NEURL1: variants seen among roughly 807,000 people sequenced by gnomAD.
NEURL1 encodes the protein neuralized E3 ubiquitin protein ligase 1.
NEURL1 carries 26 observed loss-of-function variants against 41.2 expected under a neutral mutation model. That is an observed-to-expected ratio of 0.63 (90% CI 0.46 to 0.87). The LOEUF (loss-of-function observed/expected upper bound fraction) is 0.87. Among genes scored for constraint, NEURL1 ranks in the 40% least tolerant of loss-of-function variants. The pLI is 0.00. For missense variants in NEURL1, 761 were observed against 871.1 expected (o/e 0.87, Z 1.59); for synonymous variants, 400 against 402.3 (o/e 0.99, Z 0.07).
intron 1 of NEURL1, among the ~76,000 whole-genome samples, chr10:103,505,573 C>A (rs894117878): frequency 1.3e-5 from 2 of 152,022 alleles, no homozygotes; most frequent in Non-Finnish European, 2.9e-5. Flanking sequence ...CTATGTTGCC[C>A]AGGCTGGTCT....
rs530517862 is a variant in NEURL1, at chr10:103,545,595, C to G, written c.86-25277C>G. On this transcript the variant is annotated intron_variant, in intron 1 of 5. Coordinates refer to ENST00000369780, the MANE Select transcript of NEURL1 (RefSeq NM_004210.5). This position sits in a 1 kb window ranked among gnomAD's most constrained non-coding sequence, Gnocchi z 4.5. ...TGGCATGGCCGGTGTCCTCTGGGCT[C>G]TAGGTCATGGCCCATAGTGGTAGGC... Among the ~76,000 whole-genome samples the G allele has an allele frequency of 2.6e-5, 4 of 152,280 alleles. No individual in the cohort carries two copies. The highest frequency in any genetic ancestry group is 7.2e-5 in the African/African-American group (3 of 41,548).
At chr10:103,497,213 A>G (rs919590000) in intron 1 of NEURL1, among the ~76,000 whole-genome samples, 1 of 152,188 alleles carries the variant, frequency 6.6e-6, no homozygotes, top group Non-Finnish European at 1.5e-5. Flanking sequence ...TTCTAAATGT[A>G]TCAGCATTGA....
At chr10:103,588,110 C>T (rs1475753641) in intron 4 of NEURL1, among the ~76,000 whole-genome samples, 1 of 151,840 alleles carries the variant, frequency 6.6e-6, no homozygotes, top group Non-Finnish European at 1.5e-5. Flanking sequence ...CGAGACCACC[C>T]TGGTTAACAT....
chr10:103,572,959 G>A (rs1326416467), intron 3 of NEURL1, among the ~76,000 whole-genome samples: 1 of 151,964 alleles, frequency 6.6e-6, no homozygotes, highest in African/African-American at 2.4e-5. Context: ...GCCTCTCCCT[G>A]CAGAGAAAGA....
intron 3 of NEURL1, among the ~76,000 whole-genome samples, chr10:103,572,647 G>A (rs2035575640): frequency 6.6e-6 from 1 of 152,198 alleles, no homozygotes; most frequent in East Asian, 1.9e-4. Context: ...TGGTGGTTAA[G>A]GTAGGACTAG....
In NEURL1 at chr10:103,584,697, T is replaced by G. The variant is rs1353669740; in HGVS notation, c.811T>G (p.Cys271Gly). 2.1e-6 allele frequency: 3 copies of G among 1,438,930 alleles called. No individual in the cohort carries two copies. Among genetic ancestry groups the G allele is most frequent in the African/African-American group, 3.0e-5 (2 of 66,734 alleles). The allele number at this position is 1,438,930 out of a possible 1,614,324, so 89.1% of individuals were successfully genotyped here. A position where few individuals can be genotyped will look rare whatever the true frequency, so the allele number is the denominator to read the frequency against. The change falls in exon 4 of 6, where the codon TGC (cysteine) becomes GGC (glycine). Residue 271 changes from cysteine to glycine, a missense_variant. Around this residue, in one of 5 missense-constraint regions of NEURL1, gnomAD observed 443 missense variants for 408.1 expected, o/e 1.09. Coordinates refer to ENST00000369780, the MANE Select transcript of NEURL1 (RefSeq NM_004210.5). ...DGDEAAPAAG[C>G]PIPQNSLNSQ... Reference sequence around the variant, plus strand: ...CGACGAGGCCGCGCCGGCCGCCGGCTGCCCCATCCCGCAGAACTCACTCAA... The same window carrying G: ...CGACGAGGCCGCGCCGGCCGCCGGCGGCCCCATCCCGCAGAACTCACTCAA...
At chr10:103,588,700 A>G in intron 4 of NEURL1, 1 of 431,896 alleles carries the variant, frequency 2.3e-6, no homozygotes. Context: ...CAATCCCAGC[A>G]CTTTGGGAGC....
At chr10:103,517,730 T>A (rs1048775901) in intron 1 of NEURL1, among the ~76,000 whole-genome samples, 11 of 152,212 alleles carry the variant, frequency 7.2e-5, no homozygotes, top group African/African-American at 2.4e-4. Flanking sequence ...CTGCAGCAGC[T>A]CTTTGAGTGC....
chr10:103,590,210 C>T lies in NEURL1; in HGVS notation c.1563C>T (p.Cys521=), dbSNP rs1477734307. The change falls in exon 6 of 6, where the codon TGC becomes TGT. Residue 521 remains cysteine, a synonymous_variant. Transcript: ENST00000369780. ...GTCTGGGCCAGTGGAGCGATGAGTG[C>T]ACCATTTGCTATGAACACGCGGTGG... is the stretch of plus-strand genomic sequence containing the variant. The part of the protein sequence containing the change: ...TPGLGQWSDE[C]TICYEHAVDT... The T allele has an allele frequency of 1.2e-6, 2 of 1,614,214 alleles. No homozygotes were observed. Among genetic ancestry groups the T allele is most frequent in the Non-Finnish European group, 8.5e-7 (1 of 1,180,044 alleles).
intron 4 of NEURL1, among the ~76,000 whole-genome samples, chr10:103,587,731 C>T (rs576341259): frequency 2.6e-5 from 4 of 152,268 alleles, no homozygotes; most frequent in African/African-American, 7.2e-5. Flanking sequence ...AGATGGCTTA[C>T]AGATGTTGTT....
At chr10:103,533,417 T>C (rs1429115061) in intron 1 of NEURL1, among the ~76,000 whole-genome samples, 1 of 151,854 alleles carries the variant, frequency 6.6e-6, no homozygotes, top group African/African-American at 2.4e-5. Flanking sequence ...TTGCCCAGGC[T>C]GGAGTGGAAT....
chr10:103,590,496 A>C lies in NEURL1; in HGVS notation c.*124A>C. The C allele has an allele frequency of 2.1e-4, 142 of 690,218 alleles. No individual in the cohort carries two copies. The highest frequency in any genetic ancestry group is 3.1e-4 in the East Asian group (11 of 35,224). The allele number at this position is 690,218 out of a possible 1,614,324, so 42.8% of individuals were successfully genotyped here. On this transcript the variant is annotated 3_prime_UTR_variant, in exon 6 of 6. Transcript: ENST00000369780. ...GGAAACTTTTCCTCCTCTATTAAAC[A>C]TGGGAAACTGAAGCCCTTGAAGGTT...
chr10:103,554,721 A>C (rs996209451), intron 1 of NEURL1, among the ~76,000 whole-genome samples: 3 of 152,212 alleles, frequency 2.0e-5, no homozygotes, highest in Non-Finnish European at 4.4e-5. Flanking sequence ...AATACTTGCA[A>C]AGCCCTTGGA....
At chr10:103,530,200 T>C (rs550144825) in intron 1 of NEURL1, among the ~76,000 whole-genome samples, 1 of 152,304 alleles carries the variant, frequency 6.6e-6, no homozygotes, top group African/African-American at 2.4e-5. Context: ...ATTTTATTTC[T>C]ACTCTGGTCT....
chr10:103,572,833 G>C (rs2035579375), intron 3 of NEURL1, among the ~76,000 whole-genome samples: 1 of 152,154 alleles, frequency 6.6e-6, no homozygotes, highest in Non-Finnish European at 1.5e-5. Flanking sequence ...CTGTGAAATG[G>C]GTTGGTGGGA....
chr10:103,585,013 C>G lies in NEURL1; in HGVS notation c.1127C>G (p.Ala376Gly), dbSNP rs767598596. 1.4e-5 allele frequency: 22 copies of G among 1,579,462 alleles called. No individual in the cohort carries two copies. The highest frequency in any genetic ancestry group is 2.3e-5 in the South Asian group (2 of 88,176). ...GCCGACCTGCCTTTCAGCCCTGAGGCCCTGGTGGACCGCAAGGAATTCTGG... is the reference window on the plus strand; with the variant it reads ...GCCGACCTGCCTTTCAGCCCTGAGGGCCTGGTGGACCGCAAGGAATTCTGG... The part of the protein sequence containing the change: ...RPADLPFSPE[A>G]LVDRKEFWAV... Residue 376 changes from alanine (A) to glycine (G), a missense_variant, in exon 4 of 6, where the codon GCC becomes GGC. Transcript: ENST00000369780.
At chr10:103,539,506 C>T (rs2034771579) in intron 1 of NEURL1, among the ~76,000 whole-genome samples, 1 of 152,184 alleles carries the variant, frequency 6.6e-6, no homozygotes, top group Admixed American at 6.5e-5. Flanking sequence ...AGTTTTCTGG[C>T]ATACCAACCT....
rs768126062 is a variant in NEURL1, at chr10:103,590,207, G to A, written c.1560G>A (p.Glu520=). 1.2e-6 allele frequency: 2 copies of A among 1,614,232 alleles called. No homozygotes were observed. The highest frequency in any genetic ancestry group is 1.7e-6 in the Non-Finnish European group (2 of 1,180,050). ...VTPGLGQWSD[E]CTICYEHAVD... ...CAGGTCTGGGCCAGTGGAGCGATGAGTGCACCATTTGCTATGAACACGCGG... is the reference window on the plus strand; with the variant it reads ...CAGGTCTGGGCCAGTGGAGCGATGAATGCACCATTTGCTATGAACACGCGG... The change falls in exon 6 of 6, where the codon GAG becomes GAA. Residue 520 remains glutamate (E), a synonymous_variant. Coordinates refer to ENST00000369780, the MANE Select transcript of NEURL1 (RefSeq NM_004210.5).
At chr10:103,518,748 A>G (rs2034274903) in intron 1 of NEURL1, among the ~76,000 whole-genome samples, 1 of 152,192 alleles carries the variant, frequency 6.6e-6, no homozygotes, top group African/African-American at 2.4e-5. Context: ...CTGTGCATCT[A>G]GTTATCACTC....
Sources: allele counts gnomAD v4.1 joint callset (sites outside exome capture counted in the v4.1 genomes callset), GRCh38; gene constraint gnomAD v4.1.1; regional missense constraint gnomAD v4.1.1; non-coding constraint Gnocchi (gnomAD v3.1); transcripts MANE v1.5; gene names NCBI Gene and HGNC (gene_info 2026-07-23, HGNC 2026-07-21).